RPS19BP1: variants seen among roughly 807,000 people sequenced by gnomAD.
RPS19BP1 encodes ribosomal protein S19 binding protein 1, also known as active regulator of SIRT1.
A neutral mutation model predicts 16.6 loss-of-function variants in RPS19BP1; 14 were observed. That is an observed-to-expected ratio of 0.84 (90% CI 0.56 to 1.32). The LOEUF is 1.32. Ranked by LOEUF, RPS19BP1 falls within the 40% of genes most tolerant of loss-of-function variation. The pLI is 0.00. For synonymous variants in RPS19BP1, 90 were observed against 77.3 expected (o/e 1.16, Z -0.86); for missense variants, 188 against 178.6 (o/e 1.05, Z -0.30).
chr22:39,530,639 C>T (rs1051527626), intron 2 of RPS19BP1: 1 of 191,384 alleles, frequency 5.2e-6, no homozygotes, highest in Non-Finnish European at 1.1e-5. Flanking sequence ...GCAGGAGCAT[C>T]GTTTGAACTC....
In RPS19BP1 at chr22:39,529,829, C is replaced by G. The variant is rs747424138; in HGVS notation, c.270G>C (p.Val90=). 4.3e-6 allele frequency: 7 copies of G among 1,614,024 alleles called. No individual in the cohort carries two copies. The East Asian group carries it at 6.7e-5, about 15-fold the overall frequency. ...TRTRSTVAES[V]SQQILRQNRG... ...AGTACCCTCGACCAACCTGCTGGCT[C>G]ACAGACTCAGCCACGGTGCTTCTCG... Residue 90 remains valine, a synonymous_variant, in exon 3 of 4, where the codon GTG becomes GTC. Transcript: ENST00000334678.
chr22:39,532,645 C>G, intron 1 of RPS19BP1, 42 bp downstream of exon 1: 2 of 1,581,332 alleles, frequency 1.3e-6, no homozygotes, highest in Non-Finnish European at 1.7e-6. Flanking sequence ...CCACTACCAT[C>G]CTCCTGCCCG....
At chr22:39,530,755 A>T (rs1931289013) in intron 2 of RPS19BP1, 1 of 155,120 alleles carries the variant, frequency 6.4e-6, no homozygotes, top group South Asian at 1.6e-4. Flanking sequence ...CAAAAACAAC[A>T]ACAAAAACAG....
Position 39,530,116 on chromosome 22 carries a change from C to T in RPS19BP1, c.182-199G>A, listed in dbSNP as rs190310317. 6 of 599,460 alleles carry T rather than the reference C, an allele frequency of 1.0e-5. No homozygotes were observed. The Admixed American group carries it at 1.8e-4, about 18-fold the overall frequency. 37.1% of individuals were successfully genotyped at this position (599,460 alleles called of 1,614,324 possible). Reference sequence around the variant, plus strand: ...GCTCTTGGCCCCCACCCCCATTTTCCAACAATTATGTCCTGAATACTACTC... The same window carrying T: ...GCTCTTGGCCCCCACCCCCATTTTCTAACAATTATGTCCTGAATACTACTC... On this transcript the variant is annotated intron_variant, in intron 2 of 3. Coordinates refer to ENST00000334678, the MANE Select transcript of RPS19BP1 (RefSeq NM_194326.4).
Position 39,530,539 on chromosome 22 carries a change from C to T in RPS19BP1, c.182-622G>A, listed in dbSNP as rs766323376. On this transcript the variant is annotated intron_variant, in intron 2 of 3. Coordinates refer to ENST00000334678, the MANE Select transcript of RPS19BP1 (RefSeq NM_194326.4). ...AGGAGTTCGAGATCAGCGTGGCCAACATGGTGAAACCCCGTCTGTATTAAA... is the reference window on the plus strand; with the variant it reads ...AGGAGTTCGAGATCAGCGTGGCCAATATGGTGAAACCCCGTCTGTATTAAA... 1.3e-4 allele frequency: 37 copies of T among 282,182 alleles called. 1 individual carries two copies. Among genetic ancestry groups the T allele is most frequent in the South Asian group, 9.6e-4 (36 of 37,658 alleles). 17.5% of individuals were successfully genotyped at this position (282,182 alleles called of 1,614,324 possible).
intron 1 of RPS19BP1, 51 bp from the exon 2 acceptor site, chr22:39,532,574 C>A (rs759408846): frequency 6.2e-7 from 1 of 1,611,392 alleles, no homozygotes; most frequent in Admixed American, 1.7e-5. Context: ...GCGCAGCGTT[C>A]CCATGCCACT....
rs778808377 is a variant in RPS19BP1 at position 39,530,360 on chromosome 22, C to T, written c.182-443G>A. ...GGATATCCGGGGAAAGAGCATTTGT[C>T]TAGGTAGAGGGAACACCCAGTGCAA... On this transcript the variant is annotated intron_variant, in intron 2 of 3. Coordinates refer to ENST00000334678, the MANE Select transcript of RPS19BP1 (RefSeq NM_194326.4). The T allele has an allele frequency of 1.0e-3, 230 of 219,878 alleles. 6 individuals carry two copies. Among genetic ancestry groups the T allele is most frequent in the Non-Finnish European group, 2.9e-4 (31 of 106,814 alleles). The allele number at this position is 219,878 out of a possible 1,614,324, so 13.6% of individuals were successfully genotyped here. A position where few individuals can be genotyped will look rare whatever the true frequency, so the allele number is the denominator to read the frequency against.
chr22:39,529,561 C>G lies in RPS19BP1; in HGVS notation c.342G>C (p.Lys114Asn). 6.2e-7 allele frequency: 1 copy of G among 1,614,212 alleles called. No homozygotes were observed. Residue 114 changes from lysine to asparagine, a missense_variant, in exon 4 of 4, where the codon AAG becomes AAC. Physicochemically the swap from Lys to Asn is moderately conservative, Grantham distance 94. Coordinates refer to ENST00000334678, the MANE Select transcript of RPS19BP1 (RefSeq NM_194326.4). ...CGGTGAACACGGTGCCCTCAGCCTTCTTCTTCTTGGTCTTGGCCACAGGCC... is the reference window on the plus strand; with the variant it reads ...CGGTGAACACGGTGCCCTCAGCCTTGTTCTTCTTGGTCTTGGCCACAGGCC... ...CDRPVAKTKK[K>N]KAEGTVFTEE...
Position 39,529,354 on chromosome 22 carries a change from C to T in RPS19BP1, c.*138G>A, listed in dbSNP as rs1391768490. On this transcript the variant is annotated 3_prime_UTR_variant, in exon 4 of 4. Transcript: ENST00000334678. ...CAGCTCCATTCCAGCCTCCACTCGG[C>T]TCAGCTCCGCGGCTTCCTCGAGCCA... 1 of 1,213,146 alleles carries T rather than the reference C, an allele frequency of 8.2e-7. No individual in the cohort carries two copies. The highest frequency in any genetic ancestry group is 1.1e-6 in the Non-Finnish European group (1 of 871,302). 75.1% of individuals were successfully genotyped at this position (1,213,146 alleles called of 1,614,324 possible).
At chr22:39,532,271 G>T in intron 2 of RPS19BP1, 124 bp downstream of exon 2, 1 of 1,410,874 alleles carries the variant, frequency 7.1e-7, no homozygotes, top group Non-Finnish European at 9.7e-7. Context: ...CCCGCTCCGC[G>T]CCTGGCACAC....
intron 2 of RPS19BP1, 116 bp from the exon 3 acceptor site, chr22:39,530,033 C>T (rs758619674): frequency 6.6e-5 from 52 of 787,614 alleles, no homozygotes; most frequent in South Asian, 3.2e-4. Context: ...GTTATTACAG[C>T]GGCTGGGCTC....
At position 39,532,740 on chromosome 22, in the gene RPS19BP1, G is replaced by T; in HGVS notation, c.-2C>A. 1 of 1,541,368 alleles carries T rather than the reference G, an allele frequency of 6.5e-7. No homozygotes were observed. ...CCGCCGCAGCAGGGCGGCGGACATG[G>T]CGGCGCTTGGCTCCGCCCACGAGCC... is the stretch of plus-strand genomic sequence containing the variant. On this transcript the variant is annotated 5_prime_UTR_variant, in exon 1 of 4. Transcript: ENST00000334678.
Position 39,529,216 on chromosome 22 carries a change from C to T in RPS19BP1, c.*276G>A, listed in dbSNP as rs1006752142. The stretch of plus-strand genomic sequence containing the variant: ...AAACAGCCCAGAGGCCCCACCTGGG[C>T]AAAAGCAAACAAAACAGATACGTTC... On this transcript the variant is annotated 3_prime_UTR_variant, in exon 4 of 4. Coordinates refer to ENST00000334678, the MANE Select transcript of RPS19BP1 (RefSeq NM_194326.4). The T allele has an allele frequency of 7.8e-5, 37 of 472,452 alleles. No homozygotes were observed. Among genetic ancestry groups the T allele is most frequent in the African/African-American group, 5.3e-4 (27 of 50,758 alleles). The allele number at this position is 472,452 out of a possible 1,614,324, so 29.3% of individuals were successfully genotyped here.
At chr22:39,532,347 C>G in intron 2 of RPS19BP1, 48 bp downstream of exon 2, 1 of 1,613,278 alleles carries the variant, frequency 6.2e-7, no homozygotes, top group Non-Finnish European at 8.5e-7. Context: ...CTCTGGGGCG[C>G]AGGTCCCAGC....
At chr22:39,532,362 G>C (rs1329124000) in intron 2 of RPS19BP1, 33 bp downstream of exon 2, 1 of 1,613,832 alleles carries the variant, frequency 6.2e-7, no homozygotes, top group African/African-American at 1.3e-5. Flanking sequence ...CCCAGCACCG[G>C]AGGCAGCACT....
chr22:39,530,736 AAAAC>A (rs1213957871), intron 2 of RPS19BP1: 3 of 155,012 alleles, frequency 1.9e-5, no homozygotes, highest in Non-Finnish European at 4.3e-5. Flanking sequence ...AAAAAAAAAA[AAAAC>A]AAACCAAAAA....
At position 39,532,674 on chromosome 22, in the gene RPS19BP1, C is replaced by T. The variant is rs758911123; in HGVS notation, c.52+13G>A. On this transcript the variant is annotated intron_variant, in intron 1 of 3. Transcript: ENST00000334678. ...CTGCCCGCGCCGGACGTCCCCTGGC[C>T]AGCCCTCCTCACCCTCGGACGCCGC... The T allele has an allele frequency of 7.1e-6, 11 of 1,552,398 alleles. No individual in the cohort carries two copies. The African/African-American group carries it at 1.4e-4, about 19-fold the overall frequency.
chr22:39,529,894 G>T lies in RPS19BP1; in HGVS notation c.205C>A (p.Arg69=), dbSNP rs766058368. The T allele has an allele frequency of 8.2e-5, 133 of 1,614,030 alleles. No homozygotes were observed. The highest frequency in any genetic ancestry group is 3.3e-4 in the Middle Eastern group (2 of 6,084). The change falls in exon 3 of 4, where the codon CGA becomes AGA. Residue 69 remains arginine, a synonymous_variant. Transcript: ENST00000334678. ...ALDEYRKREC[R]DHLRVNLKFL... ...TTCAGGTTTACTCTGAGGTGGTCTC[G>T]ACACTCTCGCTTCCGGTACTCGTCT...
chr22:39,529,543 C>T lies in RPS19BP1; in HGVS notation c.360G>A (p.Val120=). The stretch of plus-strand genomic sequence containing the variant: ...ACTTCTGGAAGTCTTCCTCGGTGAA[C>T]ACGGTGCCCTCAGCCTTCTTCTTCT... ...KTKKKKAEGT[V]FTEEDFQKFQ... The change falls in exon 4 of 4, where the codon GTG becomes GTA. Residue 120 remains valine (V), a synonymous_variant. Coordinates refer to ENST00000334678, the MANE Select transcript of RPS19BP1 (RefSeq NM_194326.4). The T allele has an allele frequency of 1.2e-6, 2 of 1,614,236 alleles. No homozygotes were observed. Among genetic ancestry groups the T allele is most frequent in the Non-Finnish European group, 8.5e-7 (1 of 1,180,024 alleles).
Sources: gnomAD v4.1 joint callset for allele counts on GRCh38, gnomAD v4.1.1 for gene constraint, MANE v1.5 for transcripts, NCBI Gene and HGNC (gene_info 2026-07-23, HGNC 2026-07-21) for gene names.